ALDH7A1: variants seen among roughly 807,000 people sequenced by gnomAD.
ALDH7A1 encodes the protein aldehyde dehydrogenase 7 family member A1, also known as alpha-aminoadipic semialdehyde dehydrogenase.
ALDH7A1 carries 63 observed loss-of-function variants against 79.9 expected under a neutral mutation model. The ratio of observed to expected loss-of-function variants is 0.79; its 90% CI spans 0.64 to 0.97. The LOEUF is 0.97. ALDH7A1 is among the 50% of genes least tolerant of loss of function. The pLI is 0.00. For synonymous variants in ALDH7A1, 240 were observed against 231.2 expected (o/e 1.04, Z -0.34); for missense variants, 627 against 665.2 (o/e 0.94, Z 0.63).
At position 126,556,239 on chromosome 5, in the gene ALDH7A1, C is replaced by CTTTTTTT. The variant is rs35367836; in HGVS notation, c.1009-231_1009-225dup. ...AATAGAATAAAATCATAAGCCATGT[C>CTTTTTTT]TTTTTTTTTTTTTTTTTTTTTGAGA... On this transcript the variant is annotated intron_variant, in intron 11 of 17. Coordinates refer to ENST00000409134, the MANE Select transcript of ALDH7A1 (RefSeq NM_001182.5). Among the ~76,000 whole-genome samples the CTTTTTTT allele has an allele frequency of 7.5e-4, 73 of 97,932 alleles. 5 individuals are homozygous for CTTTTTTT. Among genetic ancestry groups the CTTTTTTT allele is most frequent in the South Asian group, 1.5e-3 (4 of 2,714 alleles). 64.2% of individuals were successfully genotyped at this position (97,932 alleles called of 152,430 possible). A position where few individuals can be genotyped will look rare whatever the true frequency, so the allele number is the denominator to read the frequency against.
chr5:126,571,146 G>T (rs1750756327), intron 7 of ALDH7A1: 3 of 251,302 alleles, frequency 1.2e-5, no homozygotes, highest in Admixed American at 5.4e-5. Flanking sequence ...AAAACTATTA[G>T]CAGATTTTTT....
At chr5:126,554,489 C>T in intron 12 of ALDH7A1, 96 bp from the exon 13 acceptor site, 1 of 900,832 alleles carries the variant, frequency 1.1e-6, no homozygotes, top group Non-Finnish European at 1.9e-6. Context: ...CCAATCCCTT[C>T]CTATATGCTC....
rs1038380 is a variant in ALDH7A1 at position 126,550,111 on chromosome 5, T to G, written c.1415+85A>C. 0.19 allele frequency: 296,451 copies of G among 1,536,586 alleles called. 33,766 individuals are homozygous for G. Among genetic ancestry groups the G allele is most frequent in the East Asian group, 0.58 (25,553 of 44,394 alleles). ...TCAAAGGCTTTCAATACTGAAAAACTGATTTTAGACTACAGCAGTTTTTTT... is the reference window on the plus strand; with the variant it reads ...TCAAAGGCTTTCAATACTGAAAAACGGATTTTAGACTACAGCAGTTTTTTT... On this transcript the variant is annotated intron_variant, in intron 15 of 17. Coordinates refer to ENST00000409134, the MANE Select transcript of ALDH7A1 (RefSeq NM_001182.5).
chr5:126,568,394 G>A, intron 8 of ALDH7A1, 38 bp from the exon 9 acceptor site: 1 of 1,554,372 alleles, frequency 6.4e-7, no homozygotes, highest in Non-Finnish European at 8.9e-7. Flanking sequence ...CCCAAGCAGA[G>A]AAACCCAGCA....
chr5:126,563,131 T>C (rs1750458160), intron 9 of ALDH7A1, among the ~76,000 whole-genome samples: 1 of 152,220 alleles, frequency 6.6e-6, no homozygotes, highest in Non-Finnish European at 1.5e-5. Context: ...AATTTTATGT[T>C]GTGTGGACTT....
chr5:126,542,514 A>C lies in ALDH7A1; in HGVS notation c.*2451T>G, dbSNP rs1450586236. On this transcript the variant is annotated 3_prime_UTR_variant, in exon 18 of 18. Coordinates refer to ENST00000409134, the MANE Select transcript of ALDH7A1 (RefSeq NM_001182.5). ...CCCAATCTTTACAAAAAAAAATAAT[A>C]ATCAGCTGGGCACAGTGGCATGCAC... 1 of 152,118 alleles carries C rather than the reference A, an allele frequency of 6.6e-6. No homozygotes were observed. The highest frequency in any genetic ancestry group is 1.5e-5 in the Non-Finnish European group (1 of 68,032). The allele number at this position is 152,118 out of a possible 1,614,324, so 9.4% of individuals were successfully genotyped here. A position where few individuals can be genotyped will look rare whatever the true frequency, so the allele number is the denominator to read the frequency against.
intron 8 of ALDH7A1, chr5:126,568,626 G>A: frequency 2.2e-6 from 1 of 450,400 alleles, no homozygotes; most frequent in East Asian, 4.5e-5. Flanking sequence ...TTCCTATACT[G>A]AGTGAGTGAC....
chr5:126,581,830 T>C lies in ALDH7A1; in HGVS notation c.517+1021A>G, dbSNP rs569235841. On this transcript the variant is annotated intron_variant, in intron 5 of 17. Coordinates refer to ENST00000409134, the MANE Select transcript of ALDH7A1 (RefSeq NM_001182.5). Reference sequence around the variant, plus strand: ...CCATCTCTACCAAAAATACAAAAATTAGCCGGGTGTGATGGTGCACACCTG... The same window carrying C: ...CCATCTCTACCAAAAATACAAAAATCAGCCGGGTGTGATGGTGCACACCTG... 4.6e-4 allele frequency: 98 copies of C among 212,406 alleles called. 1 individual carries two copies. Among genetic ancestry groups the C allele is most frequent in the South Asian group, 1.1e-3 (6 of 5,332 alleles). The allele number at this position is 212,406 out of a possible 1,614,324, so 13.2% of individuals were successfully genotyped here.
intron 16 of ALDH7A1, among the ~76,000 whole-genome samples, chr5:126,547,583 T>G (rs1351720070): frequency 6.6e-6 from 1 of 152,144 alleles, no homozygotes; most frequent in Admixed American, 6.5e-5. Flanking sequence ...AAGAACAGCT[T>G]CTTCTACTTT....
intron 10 of ALDH7A1, 42 bp downstream of exon 10, chr5:126,561,041 A>T (rs1208256996): frequency 6.2e-7 from 1 of 1,609,174 alleles, no homozygotes; most frequent in Non-Finnish European, 8.5e-7. Flanking sequence ...GCGACTGTGG[A>T]AACTGAACAG....
intron 3 of ALDH7A1, among the ~76,000 whole-genome samples, chr5:126,591,686 G>C (rs1258312422): frequency 1.3e-5 from 2 of 152,170 alleles, no homozygotes; most frequent in Non-Finnish European, 2.9e-5. Flanking sequence ...GATGGGGGTA[G>C]TGGAAAGGTT....
intron 14 of ALDH7A1, 74 bp downstream of exon 14, chr5:126,551,947 G>T: frequency 8.3e-7 from 1 of 1,199,500 alleles, no homozygotes; most frequent in Non-Finnish European, 1.2e-6. Context: ...TTCATCCAGT[G>T]AAATTTAATC....
chr5:126,545,148 C>T, intron 17 of ALDH7A1, 129 bp from the exon 18 acceptor site: 1 of 710,688 alleles, frequency 1.4e-6, no homozygotes, highest in South Asian at 1.7e-5. Context: ...CTTTTTAAGA[C>T]AAACCTTTAA....
intron 9 of ALDH7A1, chr5:126,562,349 T>G (rs1750430523): frequency 6.6e-6 from 1 of 151,130 alleles, no homozygotes; most frequent in South Asian, 2.1e-4. Context: ...ACAACAGGCA[T>G]GCACCACCAT....
intron 3 of ALDH7A1, among the ~76,000 whole-genome samples, chr5:126,590,727 A>G (rs897646165): frequency 1.3e-5 from 2 of 151,330 alleles, no homozygotes; most frequent in South Asian, 4.2e-4. Flanking sequence ...TCTACAAAAA[A>G]TACAAAAAAA....
At chr5:126,593,460 G>A (rs1014568670) in intron 1 of ALDH7A1, 56 bp from the exon 2 acceptor site, 3 of 1,609,458 alleles carry the variant, frequency 1.9e-6, no homozygotes, top group Middle Eastern at 1.7e-4. Context: ...TTTGAAGTAA[G>A]GGAATAGACC....
chr5:126,585,197 C>T (rs1751319663), intron 3 of ALDH7A1, among the ~76,000 whole-genome samples: 1 of 152,144 alleles, frequency 6.6e-6, no homozygotes, highest in Admixed American at 6.5e-5. Context: ...ACTTGGGAGG[C>T]TGAAGCAGGA....
Position 126,566,277 on chromosome 5 carries a change from G to C in ALDH7A1, c.871+1982C>G, listed in dbSNP as rs76221646. On this transcript the variant is annotated intron_variant, in intron 9 of 17. Transcript: ENST00000409134. The stretch of plus-strand genomic sequence containing the variant: ...TTTTGATGATGATTTGTAGTGCTCC[G>C]TGCAACAGACTTACACTTCTTTTGT... 3.6e-3 allele frequency among the ~76,000 whole-genome samples: 554 copies of C among 152,208 alleles called. 6 individuals are homozygous for C. The highest frequency in any genetic ancestry group is 0.013 in the African/African-American group (534 of 41,538).
At chr5:126,571,150 A>ATTTTTTTTTTTTTTTTTTTTTTTTTTTT (rs386404930) in intron 7 of ALDH7A1, 1 of 206,660 alleles carries the variant, frequency 4.8e-6, no homozygotes, top group African/African-American at 2.7e-5. Flanking sequence ...CTATTAGCAG[A>ATTTTTTTTTTTTTTTTTTTTTTTTTTTT]TTTTTTTTTT....
Sources: gnomAD v4.1 joint callset for allele counts (sites outside exome capture counted in the v4.1 genomes callset) on GRCh38, gnomAD v4.1.1 for gene constraint, MANE v1.5 for transcripts, NCBI Gene and HGNC (gene_info 2026-07-23, HGNC 2026-07-21) for gene names.